Variants in HDAC9 observed in about 807,000 individuals in gnomAD.
HDAC9 encodes the protein histone deacetylase 9.
HDAC9 carries 41 observed loss-of-function variants against 139.4 expected under a neutral mutation model. The ratio of observed to expected loss-of-function variants is 0.29; its 90% CI spans 0.23 to 0.38. The LOEUF is 0.38. Ranked by LOEUF, HDAC9 falls within the 10% of genes least tolerant of loss-of-function variation. HDAC9 has a pLI of 1.00. For synonymous variants in HDAC9, 517 were observed against 476.2 expected (o/e 1.09, Z -1.12); for missense variants, 1,147 against 1,297.0 (o/e 0.88, Z 1.78).
At chr7:18,357,997 A>T (rs1398843625) in intron 1 of HDAC9, among the ~76,000 whole-genome samples, 1 of 152,082 alleles carries the variant, frequency 6.6e-6, no homozygotes. Context: ...TGGAGATTGG[A>T]TTGGAGAGGG....
chr7:18,608,493 C>G (rs950762698), intron 6 of HDAC9, among the ~76,000 whole-genome samples: 2 of 152,030 alleles, frequency 1.3e-5, no homozygotes, highest in Non-Finnish European at 2.9e-5. Context: ...TCCATTATTT[C>G]CCACTTATTC....
chr7:18,195,335 A>C (rs1222914679), intron 2 of HDAC9, among the ~76,000 whole-genome samples: 2 of 152,198 alleles, frequency 1.3e-5, no homozygotes, highest in Non-Finnish European at 2.9e-5. Flanking sequence ...TTTCAAAAGT[A>C]CCATATACCC....
chr7:18,741,492 A>G (rs921792525), intron 13 of HDAC9, among the ~76,000 whole-genome samples: 5 of 151,946 alleles, frequency 3.3e-5, no homozygotes, highest in Non-Finnish European at 5.9e-5. Context: ...CTCAGGGGGG[A>G]AAAAAAGTTC....
intron 6 of HDAC9, among the ~76,000 whole-genome samples, chr7:18,607,367 T>C (rs952523102): frequency 6.6e-6 from 1 of 152,216 alleles, no homozygotes; most frequent in Non-Finnish European, 1.5e-5. Context: ...AAGCTGAGAA[T>C]TCTAGCTTGG....
intron 2 of HDAC9, among the ~76,000 whole-genome samples, chr7:18,569,289 A>G (rs919433322): frequency 8.5e-5 from 13 of 152,158 alleles, no homozygotes; most frequent in African/African-American, 2.9e-4. Flanking sequence ...AATTTCATAT[A>G]TTTTTATGTC....
At chr7:18,630,939 C>T (rs1189185188) in intron 7 of HDAC9, among the ~76,000 whole-genome samples, 2 of 152,106 alleles carry the variant, frequency 1.3e-5, no homozygotes, top group Admixed American at 1.3e-4. Context: ...CCCCTTCTAA[C>T]AGCAAAACTT....
At chr7:18,339,245 T>C (rs924634301) in intron 1 of HDAC9, among the ~76,000 whole-genome samples, 1 of 151,462 alleles carries the variant, frequency 6.6e-6, no homozygotes, top group Admixed American at 6.6e-5. Context: ...CTATTGTTTT[T>C]CTACTTTCTA....
intron 1 of HDAC9, among the ~76,000 whole-genome samples, chr7:18,410,452 T>C (rs1019933106): frequency 6.6e-6 from 1 of 152,220 alleles, no homozygotes; most frequent in Non-Finnish European, 1.5e-5. Context: ...CCTATAGTTC[T>C]TTGTTTCAAC....
chr7:18,321,124 T>C (rs1799997885), intron 1 of HDAC9, among the ~76,000 whole-genome samples: 1 of 152,232 alleles, frequency 6.6e-6, no homozygotes, highest in African/African-American at 2.4e-5. Context: ...AGGCAAGTTC[T>C]ATAGATGTGT....
At chr7:18,535,561 T>A (rs921810624) in intron 2 of HDAC9, among the ~76,000 whole-genome samples, 2 of 151,720 alleles carry the variant, frequency 1.3e-5, no homozygotes, top group Admixed American at 6.6e-5. Context: ...CATACATTCA[T>A]TTCTTTATTA....
chr7:18,361,885 A>G (rs951326350), intron 1 of HDAC9, among the ~76,000 whole-genome samples: 11 of 151,932 alleles, frequency 7.2e-5, no homozygotes, highest in African/African-American at 2.7e-4. Flanking sequence ...CACCGTCAGT[A>G]CATGATATGC....
At chr7:18,795,223 T>C (rs1792677903) in intron 17 of HDAC9, among the ~76,000 whole-genome samples, 2 of 112,042 alleles carry the variant, frequency 1.8e-5, no homozygotes, top group Admixed American at 2.5e-4. Context: ...GGTTAAGGAA[T>C]CAGCAGGCAT....
intron 1 of HDAC9, among the ~76,000 whole-genome samples, chr7:18,108,549 A>C (rs1783385417): frequency 6.6e-6 from 1 of 151,828 alleles, no homozygotes; most frequent in Non-Finnish European, 1.5e-5. Context: ...AAAATGGAGA[A>C]TCAAATGAGA....
intron 12 of HDAC9, among the ~76,000 whole-genome samples, chr7:18,709,800 G>A (rs1322131865): frequency 6.6e-6 from 1 of 152,150 alleles, no homozygotes; most frequent in East Asian, 1.9e-4. Context: ...GCCTCCCAAA[G>A]TGTTGGCATC....
intron 10 of HDAC9, 56 bp from the exon 11 acceptor site, chr7:18,648,410 A>ATGTGTGTGTGTGTGTATGTG: frequency 9.5e-7 from 1 of 1,056,342 alleles, no homozygotes; most frequent in Non-Finnish European, 1.4e-6. Context: ...GTGTGTGTGT[A>ATGTGTGTGTGTGTGTATGTG]TGTGTGTGTG....
intron 2 of HDAC9, among the ~76,000 whole-genome samples, chr7:18,523,708 C>A (rs1487973204): frequency 1.3e-5 from 2 of 151,890 alleles, no homozygotes; most frequent in African/African-American, 4.8e-5. Flanking sequence ...GTTAGATGAA[C>A]AAAAGGTAGG....
rs188470588 is a variant in HDAC9 at position 18,759,539 on chromosome 7, G to A, written c.2044-2618G>A. 2.8e-4 allele frequency among the ~76,000 whole-genome samples: 43 copies of A among 152,010 alleles called. No individual in the cohort carries two copies. In the Middle Eastern group the frequency reaches 0.01, roughly 36 times the overall value. On this transcript the variant is annotated intron_variant, in intron 14 of 25. Coordinates refer to ENST00000686413, the MANE Select transcript of HDAC9 (RefSeq NM_178425.4). Reference sequence around the variant, plus strand: ...GGAAAGCAAGCTTAGGGCTCCCACTGATTCTACATTATGGTGAGTTGTATA... The same window carrying A: ...GGAAAGCAAGCTTAGGGCTCCCACTAATTCTACATTATGGTGAGTTGTATA...
At chr7:18,462,113 TA>T (rs34414207) in intron 1 of HDAC9, among the ~76,000 whole-genome samples, 24,213 of 151,328 alleles carry the variant, frequency 0.16, 4,042 homozygotes, top group African/African-American at 0.42. Context: ...GTCTTAACAT[TA>T]AAAAAAAATC....
chr7:18,280,997 C>T (rs1389399212), intron 2 of HDAC9, among the ~76,000 whole-genome samples: 2 of 152,158 alleles, frequency 1.3e-5, no homozygotes, highest in Non-Finnish European at 2.9e-5. Context: ...GATTTGAAAA[C>T]AGAGATAGTA....
Sources: gnomAD v4.1 joint callset for allele counts (sites outside exome capture counted in the v4.1 genomes callset) on GRCh38, gnomAD v4.1.1 for gene constraint, MANE v1.5 for transcripts, NCBI Gene and HGNC (gene_info 2026-07-23, HGNC 2026-07-21) for gene names.